The following SEPTIN6 variants were observed in gnomAD, a reference collection of about 807,000 sequenced individuals.
The protein encoded by SEPTIN6 is septin 6.
Under a neutral mutation model 33.6 loss-of-function variants are expected in SEPTIN6, and 8 were observed. That is an observed-to-expected ratio of 0.24 (90% CI 0.14 to 0.43). The LOEUF is 0.43. Among genes scored for constraint, SEPTIN6 ranks in the 20% least tolerant of loss-of-function variants. The pLI is 1.00. For synonymous variants in SEPTIN6, 131 were observed against 140.0 expected (o/e 0.94, Z 0.45); for missense variants, 250 against 340.8 (o/e 0.73, Z 2.10).
intron 10 of SEPTIN6, 89 bp from the exon 11 acceptor site, chrX:119,620,140 G>C: frequency 1.4e-6 from 1 of 717,196 alleles, no homozygotes; most frequent in Non-Finnish European, 2.1e-6. Context: ...AAGTAATGAG[G>C]ACTAATGGCT....
intron 5 of SEPTIN6, 47 bp downstream of exon 5, chrX:119,649,890 G>A (rs1423725668): frequency 2.6e-6 from 3 of 1,153,324 alleles, no homozygotes; most frequent in Non-Finnish European, 3.6e-6. Context: ...TTAAAATAAT[G>A]ATAATCATCA....
At chrX:119,666,165 A>G (rs950852273) in intron 2 of SEPTIN6, among the ~76,000 whole-genome samples, 1 of 111,430 alleles carries the variant, frequency 9.0e-6, no homozygotes, top group Non-Finnish European at 1.9e-5. Flanking sequence ...CTTTGAAGAC[A>G]AAGACTACTC....
chrX:119,687,364 T>C (rs894477343), intron 1 of SEPTIN6, among the ~76,000 whole-genome samples: 4 of 109,064 alleles, frequency 3.7e-5, no homozygotes, highest in African/African-American at 1.0e-4. Context: ...CATTCTCCTG[T>C]TTCAGCCTCC....
intron 7 of SEPTIN6, among the ~76,000 whole-genome samples, chrX:119,636,459 C>A (rs1055393496): frequency 8.9e-6 from 1 of 112,073 alleles, no homozygotes; most frequent in East Asian, 2.8e-4. Flanking sequence ...CAACATCCTG[C>A]GGTCAAAACA....
intron 2 of SEPTIN6, among the ~76,000 whole-genome samples, chrX:119,673,382 T>G (rs566974244): frequency 9.1e-6 from 1 of 110,217 alleles, no homozygotes; most frequent in Non-Finnish European, 1.9e-5. Flanking sequence ...CCAAAGTTGG[T>G]GTGTGGGAGT....
chrX:119,672,544 G>A (rs766648668), intron 2 of SEPTIN6, among the ~76,000 whole-genome samples: 2 of 112,092 alleles, frequency 1.8e-5, no homozygotes, highest in African/African-American at 6.5e-5. Context: ...TGGTTGAAAG[G>A]TTGCTTAAGG....
intron 5 of SEPTIN6, among the ~76,000 whole-genome samples, chrX:119,644,340 T>C (rs190821382): frequency 1.7e-3 from 185 of 111,111 alleles, no homozygotes; most frequent in Middle Eastern, 9.1e-3. Flanking sequence ...CCATCTGTCT[T>C]AGTGCATTTT....
chrX:119,685,936 C>A (rs1569445028), intron 1 of SEPTIN6, among the ~76,000 whole-genome samples: 1 of 111,329 alleles, frequency 9.0e-6, no homozygotes, highest in Non-Finnish European at 1.9e-5. Context: ...GCCTGGCCAG[C>A]TGCCCAGTTC....
intron 6 of SEPTIN6, among the ~76,000 whole-genome samples, chrX:119,640,103 C>T (rs1012956379): frequency 5.6e-5 from 6 of 106,255 alleles, no homozygotes; most frequent in Admixed American, 1.0e-4. Context: ...TGAGCCACCG[C>T]GCCCAGCCCC....
intron 8 of SEPTIN6, among the ~76,000 whole-genome samples, chrX:119,632,045 G>A (rs897376557): frequency 3.9e-4 from 43 of 110,281 alleles, no homozygotes; most frequent in Non-Finnish European, 1.1e-4. Context: ...ACAGGTGTGA[G>A]CAACTGCGCC....
rs1226961380 is a variant in SEPTIN6 at position 119,677,146 on chromosome X, A to G, written c.31-1478T>C. ...GAACACTGTGGCTCCCTATGGCTACAAGAAGCTGCCTCCGTGCTTCCTCTG... is the reference window on the plus strand; with the variant it reads ...GAACACTGTGGCTCCCTATGGCTACGAGAAGCTGCCTCCGTGCTTCCTCTG... On this transcript the variant is annotated intron_variant, in intron 1 of 10. Transcript: ENST00000394610. 1.2e-4 allele frequency among the ~76,000 whole-genome samples: 14 copies of G among 112,049 alleles called. No homozygotes were observed. The East Asian group carries it at 3.9e-3, about 32-fold the overall frequency.
intron 9 of SEPTIN6, chrX:119,629,068 C>T (rs2053911465): frequency 8.8e-6 from 3 of 339,398 alleles, no homozygotes; most frequent in African/African-American, 2.6e-5. Context: ...GCAGGGCTTT[C>T]CTGAGCAAGC....
At chrX:119,662,206 T>C (rs1413447144) in intron 3 of SEPTIN6, among the ~76,000 whole-genome samples, 1 of 112,109 alleles carries the variant, frequency 8.9e-6, no homozygotes, top group Non-Finnish European at 1.9e-5. Flanking sequence ...CATGTGTCCA[T>C]GGTTGGAACA....
At position 119,687,794 on chromosome X, in the gene SEPTIN6, A is replaced by G. The variant is rs183028085; in HGVS notation, c.30+5282T>C. On this transcript the variant is annotated intron_variant, in intron 1 of 10. Transcript: ENST00000394610. The stretch of plus-strand genomic sequence containing the variant: ...AGTGGCCATGCTTGGTAACAAAGCC[A>G]GCAATTAATAGAAAATTTACAGCAG... Among the ~76,000 whole-genome samples, 530 of 112,462 alleles carry G rather than the reference A, an allele frequency of 4.7e-3. 4 individuals carry two copies. The highest frequency in any genetic ancestry group is 0.016 in the African/African-American group (491 of 30,958).
At chrX:119,638,620 C>T (rs189330587) in intron 6 of SEPTIN6, among the ~76,000 whole-genome samples, 222 of 111,556 alleles carry the variant, frequency 2.0e-3, no homozygotes, top group African/African-American at 7.0e-3. Context: ...TTCCAAAGCC[C>T]GAATCAGCTC....
chrX:119,650,833 A>G (rs1293630945), intron 4 of SEPTIN6, among the ~76,000 whole-genome samples: 1 of 111,683 alleles, frequency 9.0e-6, no homozygotes, highest in Non-Finnish European at 1.9e-5. Context: ...AAAAAGAATT[A>G]TACTGCCTGA....
chrX:119,620,508 A>C (rs1459898962), intron 10 of SEPTIN6, among the ~76,000 whole-genome samples: 1 of 108,730 alleles, frequency 9.2e-6, no homozygotes, highest in East Asian at 2.9e-4. Context: ...TTTAGTAGAG[A>C]CGGGGTTTCA....
intron 2 of SEPTIN6, among the ~76,000 whole-genome samples, chrX:119,674,685 ACT>A (rs1465962072): frequency 3.6e-5 from 4 of 111,184 alleles, no homozygotes; most frequent in Non-Finnish European, 5.7e-5. Flanking sequence ...CCTCCCCAAG[ACT>A]CTGTGTCTCC....
chrX:119,685,815 A>G (rs746928524), intron 1 of SEPTIN6, among the ~76,000 whole-genome samples: 1 of 111,853 alleles, frequency 8.9e-6, no homozygotes, highest in African/African-American at 3.2e-5. Context: ...CACAGAAGGC[A>G]ACTGAAGCAG....
Sources: allele counts gnomAD v4.1 joint callset (sites outside exome capture counted in the v4.1 genomes callset), GRCh38; gene constraint gnomAD v4.1.1; transcripts MANE v1.5; gene names NCBI Gene and HGNC (gene_info 2026-07-23, HGNC 2026-07-21).